Variants in PHACTR4 observed in about 807,000 individuals in gnomAD.
PHACTR4 encodes phosphatase and actin regulator 4, also known as protein phosphatase 1, regulatory subunit 124.
PHACTR4 carries 51 observed loss-of-function variants against 72.7 expected under a neutral mutation model. The ratio of observed to expected loss-of-function variants is 0.70; its 90% CI spans 0.56 to 0.89. The LOEUF is 0.89. Ranked by LOEUF, PHACTR4 falls within the 40% of genes least tolerant of loss-of-function variation. PHACTR4 has a pLI of 0.00. For missense variants in PHACTR4, 731 were observed against 861.8 expected, an observed-to-expected ratio of 0.85 and a Z score of 1.90; for synonymous variants, 255 against 302.5, an observed-to-expected ratio of 0.84 and a Z score of 1.63.
chr1:28,438,550 GT>G, intron 2 of PHACTR4: 1 of 1,065,720 alleles, frequency 9.4e-7, no homozygotes, highest in Non-Finnish European at 1.3e-6. Flanking sequence ...ACTTTGAAAT[GT>G]TTATGTTTGT....
rs562854683 is a variant in PHACTR4 at position 28,448,338 on chromosome 1, A to G, written c.17-10747A>G. Among the ~76,000 whole-genome samples the G allele has an allele frequency of 7.9e-5, 12 of 151,946 alleles. No homozygotes were observed. In the South Asian group the frequency reaches 2.5e-3, roughly 32 times the overall value. On this transcript the variant is annotated intron_variant, in intron 2 of 13. Coordinates refer to ENST00000373839, the MANE Select transcript of PHACTR4 (RefSeq NM_001048183.3). ...CTGGAACTCCTGACCTCAGGTGATCACACCATTGCACTCCAGCCTGGGTGA... is the reference window on the plus strand; with the variant it reads ...CTGGAACTCCTGACCTCAGGTGATCGCACCATTGCACTCCAGCCTGGGTGA...
At chr1:28,456,626 T>C (rs963410135) in intron 2 of PHACTR4, among the ~76,000 whole-genome samples, 2 of 146,336 alleles carry the variant, frequency 1.4e-5, no homozygotes, top group African/African-American at 5.5e-5. Flanking sequence ...CCTGCCCAAC[T>C]AATTTTTTTT....
In PHACTR4 at chr1:28,496,663, ATCT is replaced by A; in HGVS notation, c.*118_*120del. 1.6e-6 allele frequency: 2 copies of A among 1,243,760 alleles called. No individual in the cohort carries two copies. The highest frequency in any genetic ancestry group is 2.3e-6 in the Non-Finnish European group (2 of 853,066). The allele number at this position is 1,243,760 out of a possible 1,614,324, so 77.0% of individuals were successfully genotyped here. ...CACAGCCAGAATTGCATCCTCTGGG[ATCT>A]TCTGAGGTGGACAGCACTTTGAATG... On this transcript the variant is annotated 3_prime_UTR_variant, in exon 14 of 14. Transcript: ENST00000373839.
intron 5 of PHACTR4, 59 bp downstream of exon 5, chr1:28,465,908 A>G: frequency 6.6e-7 from 1 of 1,507,770 alleles, no homozygotes; most frequent in Non-Finnish European, 9.0e-7. Context: ...TCCTTACATA[A>G]GGGGTTTGCA....
At chr1:28,455,167 G>A (rs932774107) in intron 2 of PHACTR4, among the ~76,000 whole-genome samples, 24 of 115,600 alleles carry the variant, frequency 2.1e-4, no homozygotes, top group Admixed American at 8.0e-5. Flanking sequence ...ACCGCATCTG[G>A]CCTCATTTTT....
intron 2 of PHACTR4, among the ~76,000 whole-genome samples, chr1:28,441,081 T>C (rs1656991727): frequency 6.6e-6 from 1 of 152,158 alleles, no homozygotes; most frequent in Non-Finnish European, 1.5e-5. Context: ...GTGAATAACA[T>C]AGAGGCCCCT....
intron 2 of PHACTR4, chr1:28,457,403 C>T: frequency 2.6e-6 from 1 of 384,090 alleles, no homozygotes; most frequent in South Asian, 1.9e-5. Context: ...TGAGACCACC[C>T]TGAGCAATTT....
At chr1:28,383,307 G>C (rs757413501) in intron 1 of PHACTR4, among the ~76,000 whole-genome samples, 3 of 151,986 alleles carry the variant, frequency 2.0e-5, no homozygotes, top group Non-Finnish European at 2.9e-5. Context: ...CTCCAGCTTT[G>C]TTCTTTTTGC....
At chr1:28,387,977 C>T (rs1290821912) in intron 1 of PHACTR4, among the ~76,000 whole-genome samples, 1 of 152,098 alleles carries the variant, frequency 6.6e-6, no homozygotes, top group Non-Finnish European at 1.5e-5. Context: ...ATCCACCCGC[C>T]TTGGCCTCCC....
intron 2 of PHACTR4, among the ~76,000 whole-genome samples, chr1:28,408,646 G>A (rs1167611680): frequency 6.6e-6 from 1 of 150,900 alleles, no homozygotes. Flanking sequence ...GTCTATATAT[G>A]TGTGTGTGTG....
intron 2 of PHACTR4, chr1:28,422,547 T>TTTTA (rs1167975877): frequency 6.6e-6 from 1 of 152,052 alleles, no homozygotes; most frequent in Non-Finnish European, 1.5e-5. Flanking sequence ...TTCCTTTACT[T>TTTTA]TTTATTTTTA....
chr1:28,452,295 C>T (rs1039977001), intron 2 of PHACTR4, among the ~76,000 whole-genome samples: 2 of 152,046 alleles, frequency 1.3e-5, no homozygotes, highest in Non-Finnish European at 2.9e-5. Flanking sequence ...TACTTGAGGC[C>T]AGGAGTTCAA....
intron 13 of PHACTR4, among the ~76,000 whole-genome samples, chr1:28,495,978 A>G (rs1661323833): frequency 6.6e-6 from 1 of 151,870 alleles, no homozygotes; most frequent in African/African-American, 2.4e-5. Flanking sequence ...AGGACAGCAT[A>G]CTGAGAAAGA....
chr1:28,387,748 G>C (rs1300448149), intron 1 of PHACTR4, among the ~76,000 whole-genome samples: 2 of 149,826 alleles, frequency 1.3e-5, no homozygotes, highest in Non-Finnish European at 3.0e-5. Context: ...TTTTTTTTGA[G>C]ATAGAGTCTT....
chr1:28,388,870 A>G (rs1652786294), intron 1 of PHACTR4, among the ~76,000 whole-genome samples: 1 of 152,206 alleles, frequency 6.6e-6, no homozygotes, highest in Non-Finnish European at 1.5e-5. Flanking sequence ...TCAACTCAAA[A>G]TGGATTTAAA....
intron 8 of PHACTR4, among the ~76,000 whole-genome samples, chr1:28,477,111 A>T (rs1185957704): frequency 1.4e-4 from 20 of 142,110 alleles, no homozygotes; most frequent in Non-Finnish European, 2.9e-4. Context: ...TTTTAGACAG[A>T]GTCTTGCTCT....
In PHACTR4 at chr1:28,497,526, T is replaced by A. The variant is rs1417238528; in HGVS notation, c.*977T>A. On this transcript the variant is annotated 3_prime_UTR_variant, in exon 14 of 14. Transcript: ENST00000373839. ...GCCTGGGCAACAAAGTGGGACTCTG[T>A]CTTAAAAAAAAAAAAAAAAAAAAAA... The A allele has an allele frequency of 1.5e-5, 2 of 136,476 alleles. No individual in the cohort carries two copies. Among genetic ancestry groups the A allele is most frequent in the Non-Finnish European group, 3.1e-5 (2 of 65,360 alleles). The allele number at this position is 136,476 out of a possible 1,614,324, so 8.5% of individuals were successfully genotyped here. A position where few individuals can be genotyped will look rare whatever the true frequency, so the allele number is the denominator to read the frequency against.
intron 9 of PHACTR4, among the ~76,000 whole-genome samples, chr1:28,487,016 A>G (rs1660689062): frequency 6.6e-6 from 1 of 152,150 alleles, no homozygotes; most frequent in South Asian, 2.1e-4. Context: ...TAAAAAAATT[A>G]GCCAGCCCAG....
At chr1:28,418,308 CAA>C (rs1197069007) in intron 2 of PHACTR4, among the ~76,000 whole-genome samples, 2 of 130,088 alleles carry the variant, frequency 1.5e-5, no homozygotes, top group South Asian at 2.3e-4. Context: ...ACTAAAAATA[CAA>C]AAAAAAAAAA....
Sources: allele counts gnomAD v4.1 joint callset (sites outside exome capture counted in the v4.1 genomes callset), GRCh38; gene constraint gnomAD v4.1.1; transcripts MANE v1.5; gene names NCBI Gene and HGNC (gene_info 2026-07-23, HGNC 2026-07-21).